CAMK2B: variants seen among roughly 807,000 people sequenced by gnomAD.
The protein encoded by CAMK2B is calcium/calmodulin-dependent protein kinase type II subunit beta.
A neutral mutation model predicts 93.7 loss-of-function variants in CAMK2B; 27 were observed. The observed-to-expected ratio is 0.29, with a 90% CI of 0.21 to 0.40. CAMK2B has a LOEUF of 0.40. CAMK2B is among the 10% of genes least tolerant of loss of function. CAMK2B has a pLI of 1.00. For missense variants in CAMK2B, 568 were observed against 895.8 expected, an observed-to-expected ratio of 0.63 and a Z score of 4.67; for synonymous variants, 374 against 358.8, an observed-to-expected ratio of 1.04 and a Z score of -0.48.
intron 15 of CAMK2B, 117 bp from the exon 16 acceptor site, chr7:44,232,983 C>T (rs1046163705): frequency 9.2e-5 from 83 of 899,424 alleles, no homozygotes; most frequent in Admixed American, 2.4e-4. Context: ...CCAGAGCCTG[C>T]GAGAAAGAAG....
intron 2 of CAMK2B, among the ~76,000 whole-genome samples, chr7:44,276,922 C>G (rs2097050779): frequency 6.6e-6 from 1 of 152,204 alleles, no homozygotes; most frequent in South Asian, 2.1e-4. Flanking sequence ...ACGCTCAGCT[C>G]AGAGGGTGGG....
chr7:44,240,578 T>TGAGGGCAGACGCC lies in CAMK2B; in HGVS notation c.946+116_946+128dup, dbSNP rs1283322459. 1.0e-5 allele frequency: 11 copies of TGAGGGCAGACGCC among 1,050,018 alleles called. No individual in the cohort carries two copies. The East Asian group carries it at 2.3e-4, about 22-fold the overall frequency. 65.0% of individuals were successfully genotyped at this position (1,050,018 alleles called of 1,614,324 possible). On this transcript the variant is annotated intron_variant, in intron 12 of 23. Coordinates refer to ENST00000395749, the MANE Select transcript of CAMK2B (RefSeq NM_001220.5). ...CCAGGTGGGCAGTGGGTCTCAGAGC[T>TGAGGGCAGACGCC]GAGGGCAGACGCCGAGGGCAGGCCT...
intron 5 of CAMK2B, among the ~76,000 whole-genome samples, chr7:44,252,487 A>G (rs1404367531): frequency 8.0e-6 from 1 of 124,984 alleles, no homozygotes; most frequent in Non-Finnish European, 1.7e-5. Flanking sequence ...TGGAGGCAGC[A>G]GGTGAGCAGG....
chr7:44,270,108 C>G (rs1562966611), intron 2 of CAMK2B, among the ~76,000 whole-genome samples: 1 of 151,974 alleles, frequency 6.6e-6, no homozygotes, highest in Non-Finnish European at 1.5e-5. Flanking sequence ...CTGCCTCACC[C>G]CGAGGGAGGT....
rs1274313898 is a variant in CAMK2B at position 44,220,080 on chromosome 7, AGGC to A, written c.1980_1982del (p.Pro661del). The A allele has an allele frequency of 6.3e-7, 1 of 1,597,586 alleles. No individual in the cohort carries two copies. The highest frequency in any genetic ancestry group is 1.1e-5 in the South Asian group (1 of 89,578). On this transcript the variant is annotated inframe_deletion, in exon 23 of 24. Coordinates refer to ENST00000395749, the MANE Select transcript of CAMK2B (RefSeq NM_001220.5). The stretch of plus-strand genomic sequence containing the variant: ...CTCACCTTCACTGCAGCGGGGCCAC[AGGC>A]GCGCCCGAGCAGTGGAAGTGCACGT...
intron 16 of CAMK2B, 40 bp from the exon 17 acceptor site, chr7:44,231,094 A>G: frequency 7.2e-7 from 1 of 1,394,150 alleles, no homozygotes; most frequent in Non-Finnish European, 9.6e-7. Flanking sequence ...GATGCGGCCA[A>G]GGATAGGTGG....
rs767532106 is a variant in CAMK2B at position 44,243,411 on chromosome 7, C to A, written c.517+14G>T. ...GCCAACTGCCAGCCAACACACCCTG[C>A]CCCTGGCACTCACCAAACCATGCCT... On this transcript the variant is annotated intron_variant, in intron 7 of 23. Transcript: ENST00000395749. 3.2e-5 allele frequency: 52 copies of A among 1,613,544 alleles called. No individual in the cohort carries two copies. The highest frequency in any genetic ancestry group is 4.0e-5 in the Non-Finnish European group (47 of 1,179,458).
intron 1 of CAMK2B, among the ~76,000 whole-genome samples, chr7:44,309,246 G>T (rs555190292): frequency 7.2e-5 from 11 of 152,226 alleles, no homozygotes; most frequent in Non-Finnish European, 1.2e-4. Flanking sequence ...GTTCACAGCT[G>T]CCCAGCTGAA....
chr7:44,224,900 C>CA lies in CAMK2B; in HGVS notation c.1597+1615dup. On this transcript the variant is annotated intron_variant, in intron 20 of 23. Transcript: ENST00000395749. This position sits in a 1 kb window ranked among gnomAD's most constrained non-coding sequence, Gnocchi z 4.4. ...CACCTGGGCCCAGGTGCCCCCAGGGCAGTACCCAGACTCTTCCTTTCCCTG... is the reference window on the plus strand; with the variant it reads ...CACCTGGGCCCAGGTGCCCCCAGGGCAAGTACCCAGACTCTTCCTTTCCCTG... Among the ~76,000 whole-genome samples the CA allele has an allele frequency of 6.6e-6, 1 of 151,998 alleles. No individual in the cohort carries two copies. Among genetic ancestry groups the CA allele is most frequent in the Non-Finnish European group, 1.5e-5 (1 of 67,962 alleles).
At chr7:44,222,206 G>A (rs1486343368) in intron 20 of CAMK2B, among the ~76,000 whole-genome samples, 1 of 152,174 alleles carries the variant, frequency 6.6e-6, no homozygotes, top group Non-Finnish European at 1.5e-5. Context: ...CAGGTTCCTG[G>A]GAACTCTCCC....
rs947152138 is a variant in CAMK2B at position 44,225,411 on chromosome 7, C to T, written c.1597+1105G>A. Among the ~76,000 whole-genome samples the T allele has an allele frequency of 6.6e-6, 1 of 152,114 alleles. No homozygotes were observed. The highest frequency in any genetic ancestry group is 2.1e-4 in the South Asian group (1 of 4,828). ...GGCGGCCCCTCCCCATGCCTCCCTC[C>T]TTGAGTTCTGGTCGCCCAGGCACCC... On this transcript the variant is annotated intron_variant, in intron 20 of 23. Coordinates refer to ENST00000395749, the MANE Select transcript of CAMK2B (RefSeq NM_001220.5). The surrounding 1 kb of genome is among the most constrained non-coding windows in gnomAD (Gnocchi z 5.0).
intron 1 of CAMK2B, among the ~76,000 whole-genome samples, chr7:44,319,628 C>T (rs1319680352): frequency 6.6e-6 from 1 of 152,178 alleles, no homozygotes; most frequent in East Asian, 1.9e-4. Context: ...TGCAGCTGGT[C>T]GTGCTGAGAA....
At chr7:44,322,030 G>A (rs189860948) in intron 1 of CAMK2B, among the ~76,000 whole-genome samples, 180 of 152,376 alleles carry the variant, frequency 1.2e-3, no homozygotes, top group African/African-American at 4.0e-3. Flanking sequence ...CGCATTCAGG[G>A]CCCGGGCCGT....
Position 44,224,274 on chromosome 7 carries a change from C to A in CAMK2B, c.1597+2242G>T, listed in dbSNP as rs1429570007. Among the ~76,000 whole-genome samples the A allele has an allele frequency of 6.6e-6, 1 of 151,780 alleles. No homozygotes were observed. The highest frequency in any genetic ancestry group is 2.4e-5 in the African/African-American group (1 of 41,414). On this transcript the variant is annotated intron_variant, in intron 20 of 23. Coordinates refer to ENST00000395749, the MANE Select transcript of CAMK2B (RefSeq NM_001220.5). This position sits in a 1 kb window ranked among gnomAD's most constrained non-coding sequence, Gnocchi z 4.4. ...CCAGACCCCAGCTCAACCCAGCCCC[C>A]ACTCTGCCTCCCCACATAGCACATG...
chr7:44,305,182 T>G (rs1312524839), intron 1 of CAMK2B, among the ~76,000 whole-genome samples: 1 of 152,164 alleles, frequency 6.6e-6, no homozygotes, highest in Non-Finnish European at 1.5e-5. Context: ...CGCATGGCCC[T>G]CTCAGTGTAT....
intron 1 of CAMK2B, among the ~76,000 whole-genome samples, chr7:44,299,658 C>G (rs992641109): frequency 4.6e-5 from 7 of 152,070 alleles, no homozygotes; most frequent in African/African-American, 1.7e-4. Flanking sequence ...ATTTTAGGAT[C>G]AATAATTTGC....
intron 2 of CAMK2B, among the ~76,000 whole-genome samples, chr7:44,269,292 T>A (rs2096950147): frequency 6.6e-6 from 1 of 152,144 alleles, no homozygotes; most frequent in Admixed American, 6.5e-5. Context: ...ACCCCTCGTG[T>A]CCCAAGTGGA....
intron 1 of CAMK2B, among the ~76,000 whole-genome samples, chr7:44,299,918 A>G (rs1278652943): frequency 6.6e-6 from 1 of 152,148 alleles, no homozygotes; most frequent in East Asian, 1.9e-4. Flanking sequence ...TTTTACCATA[A>G]TTTAAAAAAG....
At chr7:44,321,596 T>C (rs1049396501) in intron 1 of CAMK2B, among the ~76,000 whole-genome samples, 1 of 152,134 alleles carries the variant, frequency 6.6e-6, no homozygotes, top group African/African-American at 2.4e-5. Context: ...TTTAAAGTAA[T>C]GTACACATTA....
Sources: gnomAD v4.1 joint callset for allele counts (sites outside exome capture counted in the v4.1 genomes callset) on GRCh38, gnomAD v4.1.1 for gene constraint, Gnocchi (gnomAD v3.1) non-coding constraint, MANE v1.5 for transcripts, NCBI Gene and HGNC (gene_info 2026-07-23, HGNC 2026-07-21) for gene names.